PLEKHG2: variants seen among roughly 807,000 people sequenced by gnomAD.
The protein encoded by PLEKHG2 is pleckstrin homology and RhoGEF domain containing G2, also known as pleckstrin homology domain-containing family G member 2.
Under a neutral mutation model 104.4 loss-of-function variants are expected in PLEKHG2, and 71 were observed. The ratio of observed to expected loss-of-function variants is 0.68; its 90% CI spans 0.56 to 0.83. The LOEUF is 0.83. PLEKHG2 is among the 40% of genes least tolerant of loss of function. The pLI, the probability that PLEKHG2 is intolerant of heterozygous loss-of-function variation, is 0.00. For synonymous variants in PLEKHG2, 728 were observed against 737.0 expected, an observed-to-expected ratio of 0.99 and a Z score of 0.20; for missense variants, 1,730 against 1,809.4, an observed-to-expected ratio of 0.96 and a Z score of 0.80.
Position 39,417,432 on chromosome 19 carries a change from C to A in PLEKHG2, c.745-123C>A. ...CCTCCCAAAGTGCTGGGATTACAGACATGAGCCACTGCGCCTGGCCTCTGC... is the reference window on the plus strand; with the variant it reads ...CCTCCCAAAGTGCTGGGATTACAGAAATGAGCCACTGCGCCTGGCCTCTGC... On this transcript the variant is annotated intron_variant, in intron 7 of 18. Coordinates refer to ENST00000425673, the MANE Select transcript of PLEKHG2 (RefSeq NM_022835.3). 2.4e-6 allele frequency: 3 copies of A among 1,275,618 alleles called. 1 individual carries two copies. The South Asian group carries it at 4.6e-5, about 19-fold the overall frequency. The allele number at this position is 1,275,618 out of a possible 1,614,324, so 79.0% of individuals were successfully genotyped here. A position where few individuals can be genotyped will look rare whatever the true frequency, so the allele number is the denominator to read the frequency against.
intron 11 of PLEKHG2, among the ~76,000 whole-genome samples, chr19:39,419,631 A>G (rs1467355306): frequency 6.6e-6 from 1 of 151,938 alleles, no homozygotes; most frequent in Non-Finnish European, 1.5e-5. Flanking sequence ...TAATCCCAGC[A>G]CTTTGGGAGG....
At position 39,415,139 on chromosome 19, in the gene PLEKHG2, G is replaced by T. The variant is rs762871440; in HGVS notation, c.257G>T (p.Arg86Leu). 6.2e-7 allele frequency: 1 copy of T among 1,600,454 alleles called. No homozygotes were observed. The highest frequency in any genetic ancestry group is 1.7e-5 in the Admixed American group (1 of 58,480). Residue 86 changes from arginine to leucine, a missense_variant, in exon 3 of 19, where the codon CGC (arginine) becomes CTC (leucine). Arg to Leu is a moderately radical substitution (Grantham distance 102, BLOSUM62 -2). Coordinates refer to ENST00000425673, the MANE Select transcript of PLEKHG2 (RefSeq NM_022835.3). This position sits in a 1 kb window ranked among gnomAD's most constrained non-coding sequence, Gnocchi z 4.6. ...RPEPLPGPPI[R>L]LHLSPVGIPG... ...GAGCCCCTTCCAGGGCCTCCCATCC[G>T]CCTACATCTCTCTCCGGTGGGGATC...
Position 39,415,076 on chromosome 19 carries a change from C to A in PLEKHG2, c.194C>A (p.Ala65Asp). ...ACAGTGGGCTCTGAGGGGGATCCAG[C>A]CCCTGGGCCCACTCCAGCCTGCTCA... ...LSTVGSEGDP[A>D]PGPTPACSAS... Residue 65 changes from alanine to aspartate, a missense_variant, in exon 3 of 19, where the codon GCC becomes GAC. Transcript: ENST00000425673. This position sits in a 1 kb window ranked among gnomAD's most constrained non-coding sequence, Gnocchi z 4.6. The A allele has an allele frequency of 6.3e-7, 1 of 1,591,118 alleles. No individual in the cohort carries two copies. The highest frequency in any genetic ancestry group is 8.6e-7 in the Non-Finnish European group (1 of 1,169,258).
rs549292972 is a variant in PLEKHG2, at chr19:39,416,938, C to G, written c.682C>G (p.Pro228Ala). 1.9e-6 allele frequency: 3 copies of G among 1,613,470 alleles called. No individual in the cohort carries two copies. The highest frequency in any genetic ancestry group is 1.7e-6 in the Non-Finnish European group (2 of 1,179,948). Reference protein sequence around the residue: ...ERQAQLRHSLPLQSFLLKPVQ... With the variant: ...ERQAQLRHSLALQSFLLKPVQ... ...CCAGGCCCAGCTTCGCCACTCGCTG[C>G]CCCTGCAGAGCTTCCTGCTGAAACC... is the stretch of plus-strand genomic sequence containing the variant. Residue 228 changes from proline (P) to alanine (A), a missense_variant, in exon 7 of 19, where the codon CCC becomes GCC. Coordinates refer to ENST00000425673, the MANE Select transcript of PLEKHG2 (RefSeq NM_022835.3). This position sits in a 1 kb window ranked among gnomAD's most constrained non-coding sequence, Gnocchi z 4.5.
rs753246375 is a variant in PLEKHG2, at chr19:39,424,126, C to T, written c.2993C>T (p.Pro998Leu). The T allele has an allele frequency of 1.1e-5, 17 of 1,613,968 alleles. No homozygotes were observed. The highest frequency in any genetic ancestry group is 7.6e-6 in the Non-Finnish European group (9 of 1,179,988). The change falls in exon 19 of 19, where the codon CCA becomes CTA. Residue 998 changes from proline (P) to leucine (L), a missense_variant. By Grantham distance (98) the Pro-to-Leu change is moderately conservative. Coordinates refer to ENST00000425673, the MANE Select transcript of PLEKHG2 (RefSeq NM_022835.3). Reference sequence around the variant, plus strand: ...GAGCATAGAAGTCACATGGTTATACCAGCTCCATCCACCGCCTTTTGTCCT... The same window carrying T: ...GAGCATAGAAGTCACATGGTTATACTAGCTCCATCCACCGCCTTTTGTCCT... ...LPEHRSHMVI[P>L]APSTAFCPEQ...
At chr19:39,417,346 T>C (rs1240340836) in intron 7 of PLEKHG2, among the ~76,000 whole-genome samples, 2 of 151,440 alleles carry the variant, frequency 1.3e-5, no homozygotes, top group East Asian at 3.9e-4. Flanking sequence ...AGGGACGGGG[T>C]TTCACTACGT....
chr19:39,425,279 C>T lies in PLEKHG2; in HGVS notation c.4146C>T (p.Ala1382=), dbSNP rs1200286327. The change falls in exon 19 of 19, where the codon GCC becomes GCT. Residue 1382 remains alanine (A), a synonymous_variant. Transcript: ENST00000425673. The part of the protein sequence containing the change: ...GLHRAQGAPD[A]PFHM Reference sequence around the variant, plus strand: ...ACAGGGCCCAGGGGGCTCCTGATGCCCCCTTCCACATGTGAGCCAGGACAT... The same window carrying T: ...ACAGGGCCCAGGGGGCTCCTGATGCTCCCTTCCACATGTGAGCCAGGACAT... 1.1e-5 allele frequency: 17 copies of T among 1,610,730 alleles called. No homozygotes were observed. Among genetic ancestry groups the T allele is most frequent in the Non-Finnish European group, 1.4e-5 (17 of 1,179,182 alleles).
rs1396037249 is a variant in PLEKHG2 at position 39,426,442 on chromosome 19, G to GC, written c.*1149dup. 1 of 152,234 alleles carries GC rather than the reference G, an allele frequency of 6.6e-6. No homozygotes were observed. The highest frequency in any genetic ancestry group is 2.4e-5 in the African/African-American group (1 of 41,446). 9.4% of individuals were successfully genotyped at this position (152,234 alleles called of 1,614,324 possible). A position where few individuals can be genotyped will look rare whatever the true frequency, so the allele number is the denominator to read the frequency against. Reference sequence around the variant, plus strand: ...AGGTTCTGTCTGCCCCCTTGTTCCAGCAGTGGTATGCCCAGTGAGAGGCAC... The same window carrying GC: ...AGGTTCTGTCTGCCCCCTTGTTCCAGCCAGTGGTATGCCCAGTGAGAGGCAC... On this transcript the variant is annotated 3_prime_UTR_variant, in exon 19 of 19. Transcript: ENST00000425673.
Position 39,415,134 on chromosome 19 carries a change from C to T in PLEKHG2, c.252C>T (p.Pro84=). 6.3e-7 allele frequency: 1 copy of T among 1,599,606 alleles called. No homozygotes were observed. The highest frequency in any genetic ancestry group is 2.3e-5 in the East Asian group (1 of 43,948). The change falls in exon 3 of 19, where the codon CCC becomes CCT. Residue 84 remains proline (P), a synonymous_variant. Coordinates refer to ENST00000425673, the MANE Select transcript of PLEKHG2 (RefSeq NM_022835.3). The surrounding 1 kb of genome is among the most constrained non-coding windows in gnomAD (Gnocchi z 4.6). ...GGCCAGAGCCCCTTCCAGGGCCTCC[C>T]ATCCGCCTACATCTCTCTCCGGTGG... The part of the protein sequence containing the change: ...ASRPEPLPGP[P]IRLHLSPVGI...
In PLEKHG2 at chr19:39,413,997, C is replaced by A. The variant is rs251863; in HGVS notation, c.-22-68C>A. ...CACCACGCTCCTAATTCCCAGCCCC[C>A]ATCTGTGAGTCTGGGCGGCGGAGAG... is the stretch of plus-strand genomic sequence containing the variant. On this transcript the variant is annotated intron_variant, in intron 1 of 18. Coordinates refer to ENST00000425673, the MANE Select transcript of PLEKHG2 (RefSeq NM_022835.3). The surrounding 1 kb of genome is among the most constrained non-coding windows in gnomAD (Gnocchi z 4.5). 3.8e-5 allele frequency: 41 copies of A among 1,092,006 alleles called. No homozygotes were observed. In the South Asian group the frequency reaches 5.8e-4, roughly 16 times the overall value. The allele number at this position is 1,092,006 out of a possible 1,614,324, so 67.6% of individuals were successfully genotyped here.
chr19:39,421,474 C>G (rs188003186), intron 16 of PLEKHG2, among the ~76,000 whole-genome samples, 175 bp downstream of exon 16: 2 of 152,104 alleles, frequency 1.3e-5, no homozygotes, highest in African/African-American at 4.8e-5. Flanking sequence ...TTGCTCGAGC[C>G]CAGGAGTTTG....
At position 39,418,027 on chromosome 19, in the gene PLEKHG2, G is replaced by T; in HGVS notation, c.1005G>T (p.Arg335=). 1 of 1,561,236 alleles carries T rather than the reference G, an allele frequency of 6.4e-7. No homozygotes were observed. Reference sequence around the variant, plus strand: ...GCCCCCGGCTACGAGGGGGTGAGCGGCTGCTCTTCCTGTTCTCTCGGATGC... The same window carrying T: ...GCCCCCGGCTACGAGGGGGTGAGCGTCTGCTCTTCCTGTTCTCTCGGATGC... ...GGGPRLRGGE[R]LLFLFSRMLL... Residue 335 remains arginine (R), a synonymous_variant, in exon 9 of 19, where the codon CGG becomes CGT. Coordinates refer to ENST00000425673, the MANE Select transcript of PLEKHG2 (RefSeq NM_022835.3).
rs989804642 is a variant in PLEKHG2, at chr19:39,415,505, C to A, written c.479+66C>A. ...GGAGGGTCTATTTCCTAATCCAAAC[C>A]TCGGAGCTTCGTAGTGTCCTGTCCA... On this transcript the variant is annotated intron_variant, in intron 4 of 18. Coordinates refer to ENST00000425673, the MANE Select transcript of PLEKHG2 (RefSeq NM_022835.3). The surrounding 1 kb of genome is among the most constrained non-coding windows in gnomAD (Gnocchi z 4.6). 28 of 1,546,034 alleles carry A rather than the reference C, an allele frequency of 1.8e-5. No homozygotes were observed. The highest frequency in any genetic ancestry group is 2.4e-5 in the Non-Finnish European group (27 of 1,130,622).
chr19:39,419,085 A>C, intron 11 of PLEKHG2, 82 bp downstream of exon 11: 1 of 1,256,944 alleles, frequency 8.0e-7, no homozygotes, highest in African/African-American at 1.5e-5. Context: ...CCCCTGCCCA[A>C]TGCCAGAGCA....
rs1322104946 is a variant in PLEKHG2 at position 39,423,191 on chromosome 19, T to C, written c.2137T>C (p.Phe713Leu). ...AEAPATRREL[F>L]SGSNPGKLGE... ...GGCTCCAGCCACCAGGAGAGAACTG[T>C]TTTCTGGGAGCAATCCTGGGAAACT... Residue 713 changes from phenylalanine to leucine, a missense_variant, in exon 18 of 19, where the codon TTT becomes CTT. Coordinates refer to ENST00000425673, the MANE Select transcript of PLEKHG2 (RefSeq NM_022835.3). 1 of 1,612,656 alleles carries C rather than the reference T, an allele frequency of 6.2e-7. No individual in the cohort carries two copies. The highest frequency in any genetic ancestry group is 2.2e-5 in the East Asian group (1 of 44,866).
intron 15 of PLEKHG2, 25 bp from the exon 16 acceptor site, chr19:39,421,258 C>T (rs1221377952): frequency 5.6e-6 from 9 of 1,613,652 alleles, no homozygotes; most frequent in Non-Finnish European, 7.6e-6. Flanking sequence ...TAATGCTTCT[C>T]TCTCTCTCAT....
chr19:39,419,071 G>A (rs1313207431), intron 11 of PLEKHG2, 68 bp downstream of exon 11: 99 of 1,404,742 alleles, frequency 7.0e-5, no homozygotes, highest in Non-Finnish European at 9.4e-5. Flanking sequence ...AGTACTAAGA[G>A]ACGCCCCTGC....
intron 7 of PLEKHG2, 90 bp downstream of exon 7, chr19:39,417,090 G>C: frequency 7.0e-7 from 1 of 1,432,118 alleles, no homozygotes; most frequent in East Asian, 2.4e-5. Flanking sequence ...GACCCCCCAC[G>C]AGTTGGGCAA....
rs540065744 is a variant in PLEKHG2 at position 39,425,633 on chromosome 19, G to T, written c.*339G>T. The T allele has an allele frequency of 2.5e-6, 1 of 402,354 alleles. No homozygotes were observed. Among genetic ancestry groups the T allele is most frequent in the East Asian group, 3.7e-5 (1 of 27,286 alleles). 24.9% of individuals were successfully genotyped at this position (402,354 alleles called of 1,614,324 possible). Reference sequence around the variant, plus strand: ...CTTGGGGAATCTCAGACTCCTTTGAGAATTATTGGAAAATGGACCCACTAT... The same window carrying T: ...CTTGGGGAATCTCAGACTCCTTTGATAATTATTGGAAAATGGACCCACTAT... On this transcript the variant is annotated 3_prime_UTR_variant, in exon 19 of 19. Transcript: ENST00000425673.
Sources: gnomAD v4.1 joint callset for allele counts (sites outside exome capture counted in the v4.1 genomes callset) on GRCh38, gnomAD v4.1.1 for gene constraint, Gnocchi (gnomAD v3.1) non-coding constraint, MANE v1.5 for transcripts, NCBI Gene and HGNC (gene_info 2026-07-23, HGNC 2026-07-21) for gene names.